RALYL: variants seen among roughly 807,000 people sequenced by gnomAD.
RALYL encodes the protein RNA-binding Raly-like protein.
A neutral mutation model predicts 35.1 loss-of-function variants in RALYL; 29 were observed. The ratio of observed to expected loss-of-function variants is 0.83; its 90% confidence interval spans 0.61 to 1.13. RALYL has a LOEUF of 1.13. Ranked by LOEUF, RALYL falls within the 50% of genes most tolerant of loss-of-function variation. RALYL has a pLI of 0.00. For missense variants in RALYL, 359 were observed against 360.4 expected, an observed-to-expected ratio of 1.00 and a Z score of 0.03; for synonymous variants, 120 against 127.6, an observed-to-expected ratio of 0.94 and a Z score of 0.40.
intron 1 of RALYL, among the ~76,000 whole-genome samples, chr8:84,298,936 G>A (rs1002658289): frequency 6.6e-6 from 1 of 151,958 alleles, no homozygotes; most frequent in Non-Finnish European, 1.5e-5. Context: ...CCCAAGTTGT[G>A]TAACAGATCT....
Position 84,729,740 on chromosome 8 carries a change from A to T in RALYL, c.257-44839A>T, listed in dbSNP as rs1354451483. On this transcript the variant is annotated intron_variant, in intron 2 of 8. Transcript: ENST00000521268. ...CCACAGAAATACAAACTACCATCAG[A>T]GAATACTACAAACACCTCTACGCAA... Among the ~76,000 whole-genome samples the T allele has an allele frequency of 3.9e-5, 6 of 152,158 alleles. No individual in the cohort carries two copies. In the South Asian group the frequency reaches 1.2e-3, roughly 31 times the overall value.
chr8:84,751,614 G>T (rs1810034332), intron 2 of RALYL, among the ~76,000 whole-genome samples: 1 of 152,072 alleles, frequency 6.6e-6, no homozygotes, highest in Non-Finnish European at 1.5e-5. Context: ...GGGACTGGTG[G>T]GAGGTGACTG....
intron 1 of RALYL, among the ~76,000 whole-genome samples, chr8:84,398,101 A>C (rs772567864): frequency 1.3e-5 from 2 of 152,226 alleles, no homozygotes; most frequent in Non-Finnish European, 2.9e-5. Flanking sequence ...AGACTCAGCT[A>C]TTAAGATGGA....
chr8:84,601,679 A>G (rs1200586241), intron 2 of RALYL, among the ~76,000 whole-genome samples: 1 of 151,986 alleles, frequency 6.6e-6, no homozygotes, highest in Non-Finnish European at 1.5e-5. Flanking sequence ...TTGTGAACAT[A>G]GCATAGCCAG....
At chr8:84,656,449 T>G (rs534316547) in intron 2 of RALYL, among the ~76,000 whole-genome samples, 41 of 152,194 alleles carry the variant, frequency 2.7e-4, no homozygotes, top group Non-Finnish European at 4.9e-4. Flanking sequence ...ACCTGACTGA[T>G]TACTGACTAT....
rs571053571 is a variant in RALYL at position 84,767,894 on chromosome 8, A to G, written c.257-6685A>G. 8.5e-5 allele frequency among the ~76,000 whole-genome samples: 13 copies of G among 152,312 alleles called. No individual in the cohort carries two copies. In the South Asian group the frequency reaches 2.3e-3, roughly 27 times the overall value. ...AAGGTACTTCTGCACAATGACTACA[A>G]ATTTAACTAGGCTTTTTGAAATATG... On this transcript the variant is annotated intron_variant, in intron 2 of 8. Transcript: ENST00000521268.
rs1209124431 is a variant in RALYL at position 84,547,549 on chromosome 8, G to T, written c.256+17972G>T. Among the ~76,000 whole-genome samples the T allele has an allele frequency of 2.0e-5, 3 of 151,408 alleles. No homozygotes were observed. In the South Asian group the frequency reaches 6.3e-4, roughly 32 times the overall value. ...TACCTGCTACCACGCCCGTCTAATCGTTTGTATTTTTAGTAGAGACAGGGT... is the reference window on the plus strand; with the variant it reads ...TACCTGCTACCACGCCCGTCTAATCTTTTGTATTTTTAGTAGAGACAGGGT... On this transcript the variant is annotated intron_variant, in intron 2 of 8. Coordinates refer to ENST00000521268, the MANE Select transcript of RALYL (RefSeq NM_173848.7).
chr8:84,397,533 C>T (rs987686429), intron 1 of RALYL, among the ~76,000 whole-genome samples: 17 of 152,068 alleles, frequency 1.1e-4, no homozygotes, highest in African/African-American at 3.4e-4. Context: ...CCATTATTAC[C>T]AACTAAGTCT....
intron 1 of RALYL, among the ~76,000 whole-genome samples, chr8:84,256,528 T>C (rs1831238354): frequency 6.6e-6 from 1 of 152,096 alleles, no homozygotes; most frequent in African/African-American, 2.4e-5. Flanking sequence ...TTGGCACTAC[T>C]TGATGTCCTT....
chr8:84,210,481 C>T (rs900934312), intron 1 of RALYL, among the ~76,000 whole-genome samples: 19 of 143,754 alleles, frequency 1.3e-4, no homozygotes, highest in African/African-American at 1.8e-4. Flanking sequence ...AAAAACAATA[C>T]TTCATTGGCT....
intron 2 of RALYL, among the ~76,000 whole-genome samples, chr8:84,616,816 T>C (rs76389514): frequency 1.3e-5 from 2 of 151,846 alleles, no homozygotes; most frequent in Admixed American, 6.5e-5. Flanking sequence ...ATATGCCTAG[T>C]CAGTTTTCCC....
chr8:84,782,002 G>A (rs563349586), intron 3 of RALYL, among the ~76,000 whole-genome samples: 2 of 150,580 alleles, frequency 1.3e-5, no homozygotes, highest in Middle Eastern at 6.8e-3. Context: ...GTAGCATTTA[G>A]ACAATACGTG....
chr8:84,606,744 A>C (rs539286328), intron 2 of RALYL, among the ~76,000 whole-genome samples: 9 of 152,220 alleles, frequency 5.9e-5, no homozygotes, highest in African/African-American at 2.2e-4. Context: ...TAGTAGGTGT[A>C]GTCTTGTGAT....
chr8:84,718,817 T>C (rs541281708), intron 2 of RALYL, among the ~76,000 whole-genome samples: 8 of 152,082 alleles, frequency 5.3e-5, no homozygotes, highest in Non-Finnish European at 1.0e-4. Context: ...TTATGACTTT[T>C]AAAAAGCAAG....
At chr8:84,718,583 G>A (rs9918748) in intron 2 of RALYL, among the ~76,000 whole-genome samples, 30,989 of 151,832 alleles carry the variant, frequency 0.2, 3,405 homozygotes, top group Non-Finnish European at 0.23. Context: ...GGCCAACATG[G>A]TGAAACCTCA....
At chr8:84,766,680 C>T (rs568389557) in intron 2 of RALYL, among the ~76,000 whole-genome samples, 38 of 141,100 alleles carry the variant, frequency 2.7e-4, no homozygotes, top group African/African-American at 8.9e-4. Context: ...GCTGAGATCG[C>T]GCCACTGCAC....
chr8:84,663,838 A>T (rs1292195719), intron 2 of RALYL, among the ~76,000 whole-genome samples: 1 of 151,638 alleles, frequency 6.6e-6, no homozygotes, highest in African/African-American at 2.4e-5. Flanking sequence ...CCATTTTTCA[A>T]TTTTTGCTTT....
At chr8:84,380,057 TTGTGTG>T (rs60900204) in intron 1 of RALYL, among the ~76,000 whole-genome samples, 24 of 147,010 alleles carry the variant, frequency 1.6e-4, no homozygotes, top group Non-Finnish European at 3.2e-4. Flanking sequence ...CTTCTCAAAA[TTGTGTG>T]TGTGTGTGTG....
chr8:84,862,758 A>T (rs1838382004), intron 6 of RALYL, among the ~76,000 whole-genome samples: 1 of 152,226 alleles, frequency 6.6e-6, no homozygotes, highest in Non-Finnish European at 1.5e-5. Context: ...GAAATATAAT[A>T]TGTTGCTTTT....
Sources: allele counts gnomAD v4.1 joint callset (sites outside exome capture counted in the v4.1 genomes callset), GRCh38; gene constraint gnomAD v4.1.1; transcripts MANE v1.5; gene names NCBI Gene and HGNC (gene_info 2026-07-23, HGNC 2026-07-21).